GCNT2: variants seen among roughly 807,000 people sequenced by gnomAD.
GCNT2 encodes glucosaminyl (N-acetyl) transferase 2 (I blood group).
In GCNT2, 34 loss-of-function variants were observed where a neutral mutation model predicts 34.2. The ratio of observed to expected loss-of-function variants is 1.00; its 90% CI spans 0.76 to 1.32. The LOEUF is 1.32. Ranked by LOEUF, GCNT2 falls within the 40% of genes most tolerant of loss-of-function variation. The pLI is 0.00. For synonymous variants in GCNT2, 212 were observed against 188.0 expected (o/e 1.13, Z -1.04); for missense variants, 584 against 489.4 (o/e 1.19, Z -1.82).
intron 1 of GCNT2, among the ~76,000 whole-genome samples, chr6:10,526,363 G>A (rs963822890): frequency 6.6e-6 from 1 of 152,096 alleles, no homozygotes; most frequent in Non-Finnish European, 1.5e-5. Flanking sequence ...ATCATTTCCT[G>A]TGTTCCTGAC....
At chr6:10,553,197 G>A (rs547373356) in intron 3 of GCNT2, among the ~76,000 whole-genome samples, 25 of 152,302 alleles carry the variant, frequency 1.6e-4, no homozygotes, top group African/African-American at 5.5e-4. Flanking sequence ...GAGGAAAGAT[G>A]CAGGAGGGAA....
At chr6:10,574,861 CCTTT>C (rs1342412477) in intron 3 of GCNT2, 3 of 693,056 alleles carry the variant, frequency 4.3e-6, no homozygotes, top group Non-Finnish European at 8.2e-6. Context: ...AACCCAGGCA[CCTTT>C]CTCTTTGTCT....
At chr6:10,578,925 T>C (rs1763947284) in intron 3 of GCNT2, among the ~76,000 whole-genome samples, 2 of 151,948 alleles carry the variant, frequency 1.3e-5, no homozygotes, top group Non-Finnish European at 2.9e-5. Context: ...AACTGGAAAC[T>C]GTGTTAAGTA....
chr6:10,548,284 G>C lies in GCNT2; in HGVS notation c.925+18448G>C, dbSNP rs1226003. Among the ~76,000 whole-genome samples, 1,275 of 152,166 alleles carry C rather than the reference G, an allele frequency of 8.4e-3. 8 individuals are homozygous for C. Among genetic ancestry groups the C allele is most frequent in the Non-Finnish European group, 0.012 (807 of 68,002 alleles). ...AAAGTGAACACCACAGTTCTCCTTAGGTCAAAGGATTTTTCTGTGAAGCAG... is the reference window on the plus strand; with the variant it reads ...AAAGTGAACACCACAGTTCTCCTTACGTCAAAGGATTTTTCTGTGAAGCAG... On this transcript the variant is annotated intron_variant, in intron 3 of 4. Transcript: ENST00000495262.
chr6:10,573,301 G>A, intron 3 of GCNT2: 1 of 984,270 alleles, frequency 1.0e-6, no homozygotes, highest in Non-Finnish European at 1.2e-6. Context: ...GCTGTTCCTT[G>A]AAACTTAACA....
In GCNT2 at chr6:10,566,436, T is replaced by C. The variant is rs565653495; in HGVS notation, c.925+36600T>C. On this transcript the variant is annotated intron_variant, in intron 3 of 4. Coordinates refer to ENST00000495262, the MANE Select transcript of GCNT2 (RefSeq NM_145649.5). ...CCTCTGCCTCCCGAGTAGTTGGGAC[T>C]TTAGGTGCCACCATGCCCAGCTAAT... Among the ~76,000 whole-genome samples, 14 of 152,270 alleles carry C rather than the reference T, an allele frequency of 9.2e-5. No homozygotes were observed. The South Asian group carries it at 2.9e-3, about 32-fold the overall frequency.
chr6:10,533,985 CAG>C (rs892391378), intron 3 of GCNT2, among the ~76,000 whole-genome samples: 6 of 151,496 alleles, frequency 4.0e-5, no homozygotes, highest in African/African-American at 7.3e-5. Context: ...CCTCATGTCG[CAG>C]AGTCTCCACC....
At chr6:10,538,025 G>A (rs937321714) in intron 3 of GCNT2, among the ~76,000 whole-genome samples, 16 of 151,976 alleles carry the variant, frequency 1.1e-4, no homozygotes, top group Admixed American at 2.0e-4. Flanking sequence ...ACCGCACCTC[G>A]TTAGCCTGGG....
At chr6:10,620,051 A>G (rs540208704) in intron 3 of GCNT2, among the ~76,000 whole-genome samples, 1 of 152,196 alleles carries the variant, frequency 6.6e-6, no homozygotes, top group African/African-American at 2.4e-5. Context: ...TAACCTCCCT[A>G]TTTTAAGGTC....
At chr6:10,585,082 C>T (rs111669938) in intron 3 of GCNT2, among the ~76,000 whole-genome samples, 26 of 130,064 alleles carry the variant, frequency 2.0e-4, no homozygotes, top group Middle Eastern at 3.6e-3. Context: ...TGTGTGTGCG[C>T]GCTATATTCT....
intron 3 of GCNT2, among the ~76,000 whole-genome samples, chr6:10,551,451 ATT>A (rs35071552): frequency 1.7e-4 from 24 of 144,152 alleles, no homozygotes; most frequent in African/African-American, 3.6e-4. Flanking sequence ...TTATTAATTT[ATT>A]TTTTTTTTTT....
At chr6:10,592,040 C>G (rs979947657) in intron 3 of GCNT2, among the ~76,000 whole-genome samples, 1 of 152,134 alleles carries the variant, frequency 6.6e-6, no homozygotes, top group Non-Finnish European at 1.5e-5. Flanking sequence ...TGATTGGACC[C>G]GTGACTGAGA....
At chr6:10,582,347 T>C (rs1482595182) in intron 3 of GCNT2, among the ~76,000 whole-genome samples, 1 of 107,312 alleles carries the variant, frequency 9.3e-6, no homozygotes, top group African/African-American at 5.2e-5. Context: ...ATATAATATA[T>C]AGTAATATTA....
intron 1 of GCNT2, among the ~76,000 whole-genome samples, chr6:10,522,545 G>A (rs1760969560): frequency 6.6e-6 from 1 of 152,122 alleles, no homozygotes; most frequent in Non-Finnish European, 1.5e-5. Context: ...GTAATCCCAG[G>A]CCCTGGGGAC....
intron 3 of GCNT2, among the ~76,000 whole-genome samples, chr6:10,570,166 C>G (rs1383986040): frequency 6.6e-6 from 1 of 152,140 alleles, no homozygotes; most frequent in Non-Finnish European, 1.5e-5. Context: ...AACTCCTGGA[C>G]TCAAGTGATT....
intron 3 of GCNT2, among the ~76,000 whole-genome samples, chr6:10,546,868 T>C (rs776297349): frequency 6.6e-6 from 1 of 152,152 alleles, no homozygotes; most frequent in African/African-American, 2.4e-5. Context: ...GTATTACATC[T>C]TTTTCCAGAG....
At position 10,586,712 on chromosome 6, in the gene GCNT2, C is replaced by CT. The variant is rs752836717; in HGVS notation, c.926-34633dup. 1.9e-4 allele frequency: 300 copies of CT among 1,614,002 alleles called. 4 individuals are homozygous for CT. The South Asian group carries it at 2.9e-3, about 15-fold the overall frequency. The stretch of plus-strand genomic sequence containing the variant: ...ACCAAGAGCATACAGATAAAGGTGG[C>CT]TTTTTTGTGAAAAATACTAATATTT... On this transcript the variant is annotated intron_variant, in intron 3 of 4. Coordinates refer to ENST00000495262, the MANE Select transcript of GCNT2 (RefSeq NM_145649.5).
At chr6:10,582,563 T>G (rs1323260764) in intron 3 of GCNT2, among the ~76,000 whole-genome samples, 1 of 137,452 alleles carries the variant, frequency 7.3e-6, no homozygotes, top group Non-Finnish European at 1.5e-5. Flanking sequence ...ATATATCATA[T>G]ATATTTAAAT....
chr6:10,540,915 G>A (rs1300059723), intron 3 of GCNT2, among the ~76,000 whole-genome samples: 1 of 152,146 alleles, frequency 6.6e-6, no homozygotes, highest in African/African-American at 2.4e-5. Flanking sequence ...TCTTGGGAGT[G>A]TGGTCTGCCT....
Sources: allele counts gnomAD v4.1 joint callset (sites outside exome capture counted in the v4.1 genomes callset), GRCh38; gene constraint gnomAD v4.1.1; transcripts MANE v1.5; gene names NCBI Gene and HGNC (gene_info 2026-07-23, HGNC 2026-07-21).